WWOX: variants seen among roughly 807,000 people sequenced by gnomAD.
The protein encoded by WWOX is WW domain-containing oxidoreductase.
A neutral mutation model predicts 46.2 loss-of-function variants in WWOX; 69 were observed. The observed-to-expected ratio is 1.49, with a 90% CI of 1.23 to 1.82. The LOEUF is 1.82. Ranked by LOEUF, WWOX falls within the 40% of genes most tolerant of loss-of-function variation. WWOX has a pLI of 0.00. For synonymous variants in WWOX, 359 were observed against 202.6 expected (o/e 1.77, Z -6.56); for missense variants, 919 against 542.6 (o/e 1.69, Z -6.89).
At chr16:78,503,072 C>T (rs1185009385) in intron 8 of WWOX, among the ~76,000 whole-genome samples, 1 of 152,186 alleles carries the variant, frequency 6.6e-6, no homozygotes, top group Non-Finnish European at 1.5e-5. Context: ...AACAACATTG[C>T]CTTTCATATG....
At position 79,211,986 on chromosome 16, in the gene WWOX, C is replaced by T; in HGVS notation, c.*190C>T. ...GCAGGGAATTCCTGGGGTAAAGTAT[C>T]ACTTTTCTGGGGCTGGGCTAGGCAT... On this transcript the variant is annotated 3_prime_UTR_variant, in exon 9 of 9. Transcript: ENST00000566780. The T allele has an allele frequency of 1.3e-6, 2 of 1,532,658 alleles. No individual in the cohort carries two copies. Among genetic ancestry groups the T allele is most frequent in the Non-Finnish European group, 1.7e-6 (2 of 1,146,152 alleles). The allele number at this position is 1,532,658 out of a possible 1,614,324, so 94.9% of individuals were successfully genotyped here. A position where few individuals can be genotyped will look rare whatever the true frequency, so the allele number is the denominator to read the frequency against.
chr16:79,173,440 CA>C (rs1381665680), intron 8 of WWOX, among the ~76,000 whole-genome samples: 1 of 152,190 alleles, frequency 6.6e-6, no homozygotes, highest in Admixed American at 6.5e-5. Context: ...AGTGAGCAAA[CA>C]GGCAGAGACT....
chr16:78,869,809 C>G (rs2044088160), intron 8 of WWOX, among the ~76,000 whole-genome samples: 1 of 152,220 alleles, frequency 6.6e-6, no homozygotes, highest in South Asian at 2.1e-4. Context: ...AGAGAGAAGA[C>G]TCAGCATTTG....
intron 8 of WWOX, among the ~76,000 whole-genome samples, chr16:79,208,120 C>T (rs1200300486): frequency 6.6e-6 from 1 of 152,152 alleles, no homozygotes; most frequent in Non-Finnish European, 1.5e-5. Flanking sequence ...CTCTTAATCC[C>T]AAACAAGAGT....
Position 78,908,968 on chromosome 16 carries a change from T to A in WWOX, c.1057-302640T>A, listed in dbSNP as rs2045038745. Among the ~76,000 whole-genome samples, 6 of 152,358 alleles carry A rather than the reference T, an allele frequency of 3.9e-5. No individual in the cohort carries two copies. The South Asian group carries it at 1.2e-3, about 32-fold the overall frequency. ...ATTTCTAATCTTGTGGCTAATTTGTTAGTCCTGCAAAGGCAGTCTAGTCCC... is the reference window on the plus strand; with the variant it reads ...ATTTCTAATCTTGTGGCTAATTTGTAAGTCCTGCAAAGGCAGTCTAGTCCC... On this transcript the variant is annotated intron_variant, in intron 8 of 8. Transcript: ENST00000566780.
chr16:78,333,125 A>C (rs2080803119), intron 5 of WWOX, among the ~76,000 whole-genome samples: 1 of 130,788 alleles, frequency 7.6e-6, no homozygotes, highest in South Asian at 2.4e-4. Flanking sequence ...ATCTCGGCAC[A>C]CTGCAACCTT....
intron 8 of WWOX, among the ~76,000 whole-genome samples, chr16:79,198,403 C>CT (rs907220131): frequency 3.3e-5 from 5 of 152,106 alleles, no homozygotes; most frequent in African/African-American, 4.8e-5. Context: ...AATCCTCCCG[C>CT]TTTTTTTGCT....
At chr16:78,807,933 C>T (rs1201682339) in intron 8 of WWOX, among the ~76,000 whole-genome samples, 1 of 152,198 alleles carries the variant, frequency 6.6e-6, no homozygotes, top group Admixed American at 6.5e-5. Context: ...GGTTACAGAA[C>T]GTTTTCATTT....
chr16:78,321,685 T>C (rs2080485686), intron 5 of WWOX, among the ~76,000 whole-genome samples: 1 of 152,086 alleles, frequency 6.6e-6, no homozygotes, highest in Admixed American at 6.5e-5. Flanking sequence ...AAGTAAATGA[T>C]TGGAAGCCGC....
intron 8 of WWOX, among the ~76,000 whole-genome samples, chr16:79,201,964 G>T (rs2051362269): frequency 6.6e-6 from 1 of 152,184 alleles, no homozygotes; most frequent in African/African-American, 2.4e-5. Context: ...AGTTAAAAAG[G>T]GAAATGCTCT....
chr16:78,416,300 TAAG>T (rs1487079166), intron 6 of WWOX, among the ~76,000 whole-genome samples: 16 of 152,228 alleles, frequency 1.1e-4, no homozygotes, highest in African/African-American at 3.9e-4. Context: ...ATTTGAATAA[TAAG>T]AACCTCATTA....
intron 8 of WWOX, among the ~76,000 whole-genome samples, chr16:78,709,668 C>T (rs1355598467): frequency 6.6e-6 from 1 of 152,012 alleles, no homozygotes; most frequent in African/African-American, 2.4e-5. Context: ...CCTGTGATTC[C>T]AAGTCTGCTG....
At chr16:78,481,494 A>C (rs1234572170) in intron 8 of WWOX, among the ~76,000 whole-genome samples, 1 of 152,160 alleles carries the variant, frequency 6.6e-6, no homozygotes, top group Non-Finnish European at 1.5e-5. Context: ...GGAACTTTGC[A>C]GGATGTTCGT....
chr16:79,108,207 G>C (rs2049347577), intron 8 of WWOX, among the ~76,000 whole-genome samples: 1 of 152,238 alleles, frequency 6.6e-6, no homozygotes, highest in South Asian at 2.1e-4. Context: ...ATGGATTTTA[G>C]CTTCATAATT....
intron 5 of WWOX, among the ~76,000 whole-genome samples, chr16:78,288,846 A>C (rs1487497761): frequency 6.6e-6 from 1 of 152,154 alleles, no homozygotes; most frequent in Non-Finnish European, 1.5e-5. Context: ...GGGCTGCTAG[A>C]TTTTTTAAGT....
At chr16:78,614,599 C>G (rs533553759) in intron 8 of WWOX, among the ~76,000 whole-genome samples, 1 of 152,162 alleles carries the variant, frequency 6.6e-6, no homozygotes, top group South Asian at 2.1e-4. Flanking sequence ...ATGTGTGGGT[C>G]TTTGAGCTAG....
intron 8 of WWOX, among the ~76,000 whole-genome samples, chr16:78,883,780 G>A (rs2044393702): frequency 6.6e-6 from 1 of 151,966 alleles, no homozygotes; most frequent in South Asian, 2.1e-4. Context: ...CATGTGAGAT[G>A]TTGACATTAG....
At chr16:79,165,261 C>G (rs1301283170) in intron 8 of WWOX, among the ~76,000 whole-genome samples, 2 of 152,010 alleles carry the variant, frequency 1.3e-5, no homozygotes, top group Admixed American at 1.3e-4. Flanking sequence ...CATCCAATGA[C>G]CTTGCCATTG....
At chr16:79,031,921 T>TACAG (rs2151397090) in intron 8 of WWOX, among the ~76,000 whole-genome samples, 1 of 60,694 alleles carries the variant, frequency 1.6e-5, no homozygotes, top group Admixed American at 2.4e-4. Flanking sequence ...GATATCTATA[T>TACAG]ATATAGATAT....
Sources: gnomAD v4.1 joint callset for allele counts (sites outside exome capture counted in the v4.1 genomes callset) on GRCh38, gnomAD v4.1.1 for gene constraint, MANE v1.5 for transcripts, NCBI Gene and HGNC (gene_info 2026-07-23, HGNC 2026-07-21) for gene names.